The following ANKRD17 variants were observed in gnomAD, a reference collection of about 807,000 sequenced individuals.
ANKRD17 encodes ankyrin repeat domain 17.
A neutral mutation model predicts 229.7 loss-of-function variants in ANKRD17; 19 were observed. That is an observed-to-expected ratio of 0.08 (90% CI 0.06 to 0.12). The LOEUF is 0.12. ANKRD17 is among the 10% of genes least tolerant of loss of function. ANKRD17 has a pLI of 1.00. For synonymous variants in ANKRD17, 1,112 were observed against 1,146.1 expected (o/e 0.97, Z 0.60); for missense variants, 2,176 against 3,176.8 (o/e 0.68, Z 7.57).
intron 16 of ANKRD17, among the ~76,000 whole-genome samples, chr4:73,132,335 C>A (rs1560568073): frequency 6.6e-6 from 1 of 152,118 alleles, no homozygotes; most frequent in East Asian, 1.9e-4. Context: ...TCTCGAACTC[C>A]TAACCTCAGG....
intron 2 of ANKRD17, among the ~76,000 whole-genome samples, chr4:73,164,796 A>G (rs1278182509): frequency 6.9e-6 from 1 of 145,330 alleles, no homozygotes; most frequent in Non-Finnish European, 1.5e-5. Flanking sequence ...TCTCCAAAGG[A>G]AAAAAAAAAA....
At chr4:73,244,644 A>T (rs1032442081) in intron 1 of ANKRD17, among the ~76,000 whole-genome samples, 1 of 152,130 alleles carries the variant, frequency 6.6e-6, no homozygotes, top group African/African-American at 2.4e-5. Flanking sequence ...ACATAAAAGA[A>T]TAACAAACTT....
intron 1 of ANKRD17, among the ~76,000 whole-genome samples, chr4:73,223,742 T>C (rs1742155180): frequency 6.6e-6 from 1 of 152,150 alleles, no homozygotes; most frequent in Admixed American, 6.5e-5. Flanking sequence ...GGCCTTTTTC[T>C]CTTACAATAA....
chr4:73,142,706 T>C lies in ANKRD17; in HGVS notation c.2019A>G (p.Ala673=). 1 of 1,614,002 alleles carries C rather than the reference T, an allele frequency of 6.2e-7. No homozygotes were observed. The highest frequency in any genetic ancestry group is 8.5e-7 in the Non-Finnish European group (1 of 1,179,932). Reference sequence around the variant, plus strand: ...GTTCCACCACTGCCAGATGACCCCCTGCACAAGCCAGGGACAGTACAGTAT... The same window carrying C: ...GTTCCACCACTGCCAGATGACCCCCCGCACAAGCCAGGGACAGTACAGTAT... ...NDHTVLSLAC[A]GGHLAVVELL... The change falls in exon 12 of 34, where the codon GCA becomes GCG. Residue 673 remains alanine, a synonymous_variant. Transcript: ENST00000358602.
chr4:73,094,012 T>G (rs1178080720), intron 28 of ANKRD17, 67 bp downstream of exon 28: 1 of 1,467,954 alleles, frequency 6.8e-7, no homozygotes, highest in African/African-American at 1.4e-5. Context: ...AAAACTCATA[T>G]GGCTGTATTT....
intron 1 of ANKRD17, among the ~76,000 whole-genome samples, chr4:73,203,827 T>C (rs889497577): frequency 7.5e-6 from 1 of 134,180 alleles, no homozygotes; most frequent in African/African-American, 2.8e-5. Context: ...TAGAAAAATA[T>C]AACCTTACAA....
intron 2 of ANKRD17, among the ~76,000 whole-genome samples, chr4:73,176,215 T>C (rs908348544): frequency 3.9e-5 from 6 of 152,150 alleles, no homozygotes; most frequent in Admixed American, 2.0e-4. Context: ...TCAACATCAC[T>C]GATCATCAGA....
intron 15 of ANKRD17, 58 bp from the exon 16 acceptor site, chr4:73,135,323 A>G (rs112045552): frequency 1.3e-6 from 2 of 1,494,288 alleles, no homozygotes; most frequent in Non-Finnish European, 1.8e-6. Flanking sequence ...TAATACTAAG[A>G]CATATTCACT....
chr4:73,177,620 A>AG (rs1734908099), intron 1 of ANKRD17, 87 bp from the exon 2 acceptor site: 1 of 1,048,202 alleles, frequency 9.5e-7, no homozygotes, highest in African/African-American at 1.6e-5. Flanking sequence ...AAAGCAGGGG[A>AG]GGGAAAAAAT....
intron 21 of ANKRD17, among the ~76,000 whole-genome samples, chr4:73,119,738 C>CT (rs1335405869): frequency 6.6e-6 from 1 of 152,168 alleles, no homozygotes; most frequent in African/African-American, 2.4e-5. Flanking sequence ...TAGAAAGTAC[C>CT]TTGGATCCTG....
intron 22 of ANKRD17, among the ~76,000 whole-genome samples, chr4:73,117,006 T>C (rs1476475073): frequency 6.6e-6 from 1 of 152,064 alleles, no homozygotes; most frequent in Non-Finnish European, 1.5e-5. Flanking sequence ...TATATGCATG[T>C]TAGATACTAG....
intron 15 of ANKRD17, among the ~76,000 whole-genome samples, chr4:73,136,685 G>A (rs957927277): frequency 5.3e-5 from 8 of 152,062 alleles, no homozygotes; most frequent in South Asian, 2.1e-4. Context: ...TGTATGTTAC[G>A]AAAAGATCAA....
At chr4:73,107,986 A>G (rs191674917) in intron 24 of ANKRD17, among the ~76,000 whole-genome samples, 3 of 152,290 alleles carry the variant, frequency 2.0e-5, no homozygotes, top group African/African-American at 7.2e-5. Flanking sequence ...AACCATGGTG[A>G]GAAGTGATTA....
chr4:73,116,048 GAAA>G (rs1725901425), intron 22 of ANKRD17, 132 bp from the exon 23 acceptor site: 1 of 666,526 alleles, frequency 1.5e-6, no homozygotes, highest in Non-Finnish European at 2.6e-6. Flanking sequence ...CACTATAAAT[GAAA>G]AAGAGACAGG....
In ANKRD17 at chr4:73,186,751, T is replaced by G. The variant is rs544833864; in HGVS notation, c.394-9218A>C. 5.3e-5 allele frequency among the ~76,000 whole-genome samples: 8 copies of G among 152,318 alleles called. No homozygotes were observed. In the South Asian group the frequency reaches 1.4e-3, roughly 28 times the overall value. On this transcript the variant is annotated intron_variant, in intron 1 of 33. Transcript: ENST00000358602. ...ATATTTCAAATAAGACAAAGTTCTA[T>G]GGAATTCTCAAATCTAGAGTTTCTA... is the stretch of plus-strand genomic sequence containing the variant.
At chr4:73,169,302 G>A (rs968907059) in intron 2 of ANKRD17, among the ~76,000 whole-genome samples, 7 of 152,094 alleles carry the variant, frequency 4.6e-5, no homozygotes, top group East Asian at 1.9e-4. Flanking sequence ...ATGCTTGGGC[G>A]CCATTTTAAA....
chr4:73,176,058 C>A (rs1460717886), intron 2 of ANKRD17, among the ~76,000 whole-genome samples: 1 of 150,396 alleles, frequency 6.6e-6, no homozygotes, highest in Non-Finnish European at 1.5e-5. Context: ...AACTACCCAG[C>A]TGACAATGAA....
At chr4:73,087,602 T>C (rs1722330713) in intron 29 of ANKRD17, among the ~76,000 whole-genome samples, 1 of 152,186 alleles carries the variant, frequency 6.6e-6, no homozygotes, top group Admixed American at 6.5e-5. Context: ...GTGTGAATCT[T>C]GATTGAGTCT....
chr4:73,119,475 T>C (rs1049542864), intron 21 of ANKRD17, among the ~76,000 whole-genome samples: 1 of 152,292 alleles, frequency 6.6e-6, no homozygotes, highest in South Asian at 2.1e-4. Flanking sequence ...AAAAGTTCCA[T>C]ACTTTGGAGC....
Sources: gnomAD v4.1 joint callset for allele counts (sites outside exome capture counted in the v4.1 genomes callset) on GRCh38, gnomAD v4.1.1 for gene constraint, MANE v1.5 for transcripts, NCBI Gene and HGNC (gene_info 2026-07-23, HGNC 2026-07-21) for gene names.